Variants in GDPD1 observed in about 807,000 individuals in gnomAD.
The protein encoded by GDPD1 is glycerophosphodiester phosphodiesterase domain containing 1.
In GDPD1, 28 loss-of-function variants were observed where a neutral mutation model predicts 45.1. That is an observed-to-expected ratio of 0.62 (90% CI 0.46 to 0.85). The LOEUF (loss-of-function observed/expected upper bound fraction) is 0.85, where lower values mean the gene tolerates loss of function less well. Ranked by LOEUF, GDPD1 falls within the 40% of genes least tolerant of loss-of-function variation. GDPD1 has a pLI of 0.00. For synonymous variants in GDPD1, 139 were observed against 131.4 expected (o/e 1.06, Z -0.40); for missense variants, 256 against 364.8 (o/e 0.70, Z 2.43).
intron 7 of GDPD1, among the ~76,000 whole-genome samples, chr17:59,268,613 CACTTTTCATATCCAACAGA>C (rs1021298400): frequency 7.9e-6 from 1 of 126,004 alleles, no homozygotes; most frequent in Non-Finnish European, 1.7e-5. Context: ...GAAAAGAAAA[CACTTTTCATATCCAACAGA>C]ACTTTAAAAA....
At chr17:59,255,724 C>T (rs1158882146) in intron 4 of GDPD1, among the ~76,000 whole-genome samples, 7 of 65,966 alleles carry the variant, frequency 1.1e-4, no homozygotes, top group Non-Finnish European at 1.5e-4. Flanking sequence ...GCCTGGGCAA[C>T]AAGAACGAAA....
At chr17:59,241,218 AATATTTTT>A (rs2147883659) in intron 2 of GDPD1, among the ~76,000 whole-genome samples, 1 of 152,324 alleles carries the variant, frequency 6.6e-6, no homozygotes, top group African/African-American at 2.4e-5. Context: ...ATGACTTTAT[AATATTTTT>A]ATATTATGTG....
chr17:59,229,320 AT>A (rs11302392), intron 1 of GDPD1, among the ~76,000 whole-genome samples: 49,255 of 141,588 alleles, frequency 0.35, 10,637 homozygotes, highest in African/African-American at 0.63. Flanking sequence ...GCCTGGCTAA[AT>A]TTTTTTTTTT....
At chr17:59,227,142 T>A (rs1264893695) in intron 1 of GDPD1, among the ~76,000 whole-genome samples, 1 of 152,016 alleles carries the variant, frequency 6.6e-6, no homozygotes, top group Non-Finnish European at 1.5e-5. Flanking sequence ...TAAAACATTT[T>A]AAGCTGGTGA....
At chr17:59,240,548 A>G (rs959783532) in intron 2 of GDPD1, among the ~76,000 whole-genome samples, 8 of 152,062 alleles carry the variant, frequency 5.3e-5, no homozygotes, top group African/African-American at 1.4e-4. Context: ...TGGCATGATC[A>G]TAGATGAACT....
At chr17:59,234,107 G>A (rs1436726318) in intron 1 of GDPD1, among the ~76,000 whole-genome samples, 1 of 151,988 alleles carries the variant, frequency 6.6e-6, no homozygotes, top group East Asian at 1.9e-4. Flanking sequence ...GTACACTTTG[G>A]GAGGCCGAGA....
intron 1 of GDPD1, among the ~76,000 whole-genome samples, chr17:59,221,381 C>A (rs972938363): frequency 6.7e-6 from 1 of 150,302 alleles, no homozygotes; most frequent in Non-Finnish European, 1.5e-5. Flanking sequence ...GAGACAGGAG[C>A]TACAGCGTCC....
rs553973953 is a variant in GDPD1 at position 59,264,931 on chromosome 17, C to T, written c.577-2110C>T. ...TCTTGGCTCACTGCAAGCTCCACCT[C>T]CTGGGTTCAAGAGATTCTCCTGCCT... is the stretch of plus-strand genomic sequence containing the variant. On this transcript the variant is annotated intron_variant, in intron 6 of 9. Coordinates refer to ENST00000284116, the MANE Select transcript of GDPD1 (RefSeq NM_182569.4). Among the ~76,000 whole-genome samples the T allele has an allele frequency of 3.7e-3, 563 of 152,142 alleles. 3 individuals carry two copies. The highest frequency in any genetic ancestry group is 0.013 in the African/African-American group (524 of 41,532).
intron 1 of GDPD1, among the ~76,000 whole-genome samples, chr17:59,233,956 G>C (rs775228240): frequency 6.6e-6 from 1 of 151,980 alleles, no homozygotes; most frequent in Non-Finnish European, 1.5e-5. Flanking sequence ...GTTTAGGCTT[G>C]GGTTCTATCC....
At chr17:59,257,504 AC>A (rs1261893545) in intron 5 of GDPD1, among the ~76,000 whole-genome samples, 1 of 152,208 alleles carries the variant, frequency 6.6e-6, no homozygotes, top group African/African-American at 2.4e-5. Context: ...TTCTAGTTTA[AC>A]TTGTTTCATT....
At chr17:59,255,242 A>G (rs1446889038) in intron 4 of GDPD1, among the ~76,000 whole-genome samples, 1 of 152,110 alleles carries the variant, frequency 6.6e-6, no homozygotes, top group Non-Finnish European at 1.5e-5. Context: ...AAGCAGAACA[A>G]TTTTTACAAT....
intron 2 of GDPD1, 141 bp from the exon 3 acceptor site, chr17:59,245,273 A>G (rs2047201710): frequency 1.8e-6 from 1 of 546,260 alleles, no homozygotes; most frequent in Non-Finnish European, 3.2e-6. Context: ...TCATATTAAT[A>G]AGTCATACTA....
intron 2 of GDPD1, among the ~76,000 whole-genome samples, chr17:59,238,127 G>T (rs2047147699): frequency 6.6e-6 from 1 of 151,512 alleles, no homozygotes; most frequent in Non-Finnish European, 1.5e-5. Context: ...AATTAGCTGG[G>T]CATGGTAGCG....
In GDPD1 at chr17:59,245,389, T is replaced by G; in HGVS notation, c.186-25T>G. The G allele has an allele frequency of 2.5e-6, 4 of 1,596,392 alleles. No individual in the cohort carries two copies. In the South Asian group the frequency reaches 4.5e-5, roughly 18 times the overall value. On this transcript the variant is annotated intron_variant, in intron 2 of 9. Coordinates refer to ENST00000284116, the MANE Select transcript of GDPD1 (RefSeq NM_182569.4). ...CCCAAATGTATACTTAAGTGTCAGA[T>G]GTCATTCTTCTTTTATTTCTTCAGT...
intron 1 of GDPD1, among the ~76,000 whole-genome samples, chr17:59,231,413 G>A (rs1407675053): frequency 1.4e-5 from 2 of 138,792 alleles, no homozygotes; most frequent in Non-Finnish European, 3.0e-5. Flanking sequence ...TGCAAGCTCT[G>A]CCTCCCGGGT....
Position 59,255,778 on chromosome 17 carries a change from T to TAC in GDPD1, c.368-1343_368-1342insCA, listed in dbSNP as rs1446989664. Among the ~76,000 whole-genome samples the TAC allele has an allele frequency of 2.5e-4, 19 of 77,188 alleles. 2 individuals are homozygous for TAC. Among genetic ancestry groups the TAC allele is most frequent in the Non-Finnish European group, 4.0e-4 (18 of 45,436 alleles). The allele number at this position is 77,188 out of a possible 152,430, so 50.6% of individuals were successfully genotyped here. A position where few individuals can be genotyped will look rare whatever the true frequency, so the allele number is the denominator to read the frequency against. On this transcript the variant is annotated intron_variant, in intron 4 of 9. Transcript: ENST00000284116. ...AAAAAAAAAAATATATATATATATATATATATACGCGTATATATGTATATA... is the reference window on the plus strand; with the variant it reads ...AAAAAAAAAAATATATATATATATATACATATATACGCGTATATATGTATATA...
Position 59,267,105 on chromosome 17 carries a change from C to G in GDPD1, c.641C>G (p.Thr214Ser). 1 of 1,613,596 alleles carries G rather than the reference C, an allele frequency of 6.2e-7. No homozygotes were observed. The highest frequency in any genetic ancestry group is 8.5e-7 in the Non-Finnish European group (1 of 1,179,502). The part of the protein sequence containing the change: ...RVLLILGLFF[T>S]GLLPFVPIRE... ...CTGCTCATTCTTGGCCTTTTCTTCA[C>G]TGGCCTCTTGCCCTTTGTGCCCATT... The change falls in exon 7 of 10, where the codon ACT becomes AGT. Residue 214 changes from threonine (T) to serine (S), a missense_variant. Transcript: ENST00000284116.
At chr17:59,260,388 A>G (rs1218758152) in intron 6 of GDPD1, among the ~76,000 whole-genome samples, 1 of 151,936 alleles carries the variant, frequency 6.6e-6, no homozygotes, top group Admixed American at 6.6e-5. Flanking sequence ...CTAAAAATAC[A>G]AAAATTAGCC....
chr17:59,273,446 C>G (rs113386633), intron 9 of GDPD1, among the ~76,000 whole-genome samples: 134 of 152,154 alleles, frequency 8.8e-4, no homozygotes, highest in African/African-American at 3.1e-3. Context: ...GTATATTTAA[C>G]AAGCACCATG....
Sources: gnomAD v4.1 joint callset for allele counts (sites outside exome capture counted in the v4.1 genomes callset) on GRCh38, gnomAD v4.1.1 for gene constraint, MANE v1.5 for transcripts, NCBI Gene and HGNC (gene_info 2026-07-23, HGNC 2026-07-21) for gene names.